CSMD1: variants seen among roughly 807,000 people sequenced by gnomAD.
CSMD1 encodes the protein CUB and Sushi multiple domains 1.
In CSMD1, 213 loss-of-function variants were observed where a neutral mutation model predicts 417.5. The ratio of observed to expected loss-of-function variants is 0.51; its 90% CI spans 0.46 to 0.57. The LOEUF is 0.57. Among genes scored for constraint, CSMD1 ranks in the 20% least tolerant of loss-of-function variants. The probability of loss-of-function intolerance (pLI) is 0.00; values close to 1 mark genes in which losing one functional copy is unlikely to be tolerated. For missense variants in CSMD1, 6,923 were observed against 4,529.7 expected (o/e 1.53, Z -15.17); for synonymous variants, 2,862 against 1,736.8 (o/e 1.65, Z -16.11).
chr8:3,439,141 AAAAAAAAAAAAC>A (rs1814774338), intron 12 of CSMD1, among the ~76,000 whole-genome samples: 11 of 130,498 alleles, frequency 8.4e-5, no homozygotes, highest in Non-Finnish European at 1.6e-4. Flanking sequence ...AAAAAAAAAA[AAAAAAAAAAAAC>A]CAAGAAAAAA....
chr8:4,598,765 G>T (rs1010833849), intron 2 of CSMD1, among the ~76,000 whole-genome samples: 2 of 152,136 alleles, frequency 1.3e-5, no homozygotes, highest in Non-Finnish European at 2.9e-5. Context: ...AAAGCTCTAA[G>T]TAGGTGGAAA....
chr8:4,513,634 G>A (rs904073170), intron 2 of CSMD1, among the ~76,000 whole-genome samples: 19 of 152,310 alleles, frequency 1.2e-4, no homozygotes, highest in African/African-American at 4.3e-4. Context: ...ATGAAACAAT[G>A]AAGTTAAAGG....
intron 5 of CSMD1, among the ~76,000 whole-genome samples, chr8:3,793,311 C>G (rs535331490): frequency 2.0e-5 from 3 of 152,176 alleles, no homozygotes; most frequent in Non-Finnish European, 4.4e-5. Flanking sequence ...ATTTCCATTC[C>G]CATCTGTTTA....
chr8:3,031,715 T>G (rs1376617939), intron 50 of CSMD1, among the ~76,000 whole-genome samples: 1 of 151,984 alleles, frequency 6.6e-6, no homozygotes, highest in African/African-American at 2.4e-5. Flanking sequence ...CCAATTTGGT[T>G]CACACAACGG....
intron 5 of CSMD1, among the ~76,000 whole-genome samples, chr8:3,776,807 GATATAT>G (rs151060171): frequency 1.4e-5 from 2 of 139,938 alleles, no homozygotes; most frequent in East Asian, 4.4e-4. Context: ...ATATAGACGA[GATATAT>G]ATATATATAT....
At chr8:4,521,377 A>C (rs1803435925) in intron 2 of CSMD1, among the ~76,000 whole-genome samples, 1 of 152,178 alleles carries the variant, frequency 6.6e-6, no homozygotes, top group Admixed American at 6.5e-5. Context: ...AAAATAGAAA[A>C]AGAAAAAACA....
chr8:3,423,385 A>G (rs182718935), intron 12 of CSMD1, among the ~76,000 whole-genome samples: 1 of 152,236 alleles, frequency 6.6e-6, no homozygotes, highest in Admixed American at 6.5e-5. Flanking sequence ...CTGTCACCAT[A>G]GCTTTCTCTC....
intron 10 of CSMD1, among the ~76,000 whole-genome samples, chr8:3,558,411 G>A (rs117649130): frequency 0.032 from 4,387 of 138,270 alleles, 4 homozygotes; most frequent in Non-Finnish European, 0.049. Flanking sequence ...AATGATGAAC[G>A]GTGCCTCAAT....
chr8:3,556,466 C>A (rs1799152473), intron 10 of CSMD1, among the ~76,000 whole-genome samples: 1 of 143,306 alleles, frequency 7.0e-6, no homozygotes, highest in Non-Finnish European at 1.5e-5. Context: ...ATAATTTGTT[C>A]AGTCCTTAAG....
At chr8:3,945,653 A>T (rs775811087) in intron 5 of CSMD1, among the ~76,000 whole-genome samples, 1 of 152,108 alleles carries the variant, frequency 6.6e-6, no homozygotes, top group Non-Finnish European at 1.5e-5. Flanking sequence ...AGCCTGATGT[A>T]TTATTTTACT....
chr8:3,234,534 G>C (rs145134894), intron 26 of CSMD1, among the ~76,000 whole-genome samples: 1 of 152,138 alleles, frequency 6.6e-6, no homozygotes, highest in South Asian at 2.1e-4. Flanking sequence ...TTTTTCAATG[G>C]AAAGAGAGCG....
chr8:3,763,155 C>A (rs1798101944), intron 5 of CSMD1, among the ~76,000 whole-genome samples: 1 of 152,194 alleles, frequency 6.6e-6, no homozygotes, highest in Admixed American at 6.5e-5. Context: ...CCAAAGAGGT[C>A]TCTTCACCCA....
intron 5 of CSMD1, among the ~76,000 whole-genome samples, chr8:3,909,843 T>C (rs565474147): frequency 2.0e-5 from 3 of 152,180 alleles, no homozygotes; most frequent in African/African-American, 7.2e-5. Flanking sequence ...GCACCACGTA[T>C]GTCCTGCTGT....
In CSMD1 at chr8:3,015,386, G is replaced by A. The variant is rs117262104; in HGVS notation, c.8029+3091C>T. Among the ~76,000 whole-genome samples the A allele has an allele frequency of 7.2e-4, 109 of 152,070 alleles. 1 individual carries two copies. In the East Asian group the frequency reaches 0.019, roughly 27 times the overall value. On this transcript the variant is annotated intron_variant, in intron 52 of 69. Coordinates refer to ENST00000635120, the MANE Select transcript of CSMD1 (RefSeq NM_033225.6). Reference sequence around the variant, plus strand: ...GGTAATTTCCCATTTTTTCCTGATTGGATGATTTGCTTTTTAAAGTCATAG... The same window carrying A: ...GGTAATTTCCCATTTTTTCCTGATTAGATGATTTGCTTTTTAAAGTCATAG...
At chr8:3,404,071 G>C (rs112381028) in intron 15 of CSMD1, among the ~76,000 whole-genome samples, 158 of 152,260 alleles carry the variant, frequency 1.0e-3, no homozygotes, top group African/African-American at 3.7e-3. Context: ...AGTATTACCA[G>C]ACGATACTAT....
At chr8:3,695,087 C>CGTGTGTGTGT (rs1276176981) in intron 7 of CSMD1, among the ~76,000 whole-genome samples, 3,002 of 145,508 alleles carry the variant, frequency 0.021, 62 homozygotes, top group African/African-American at 0.038. Context: ...GGAGGCCCTG[C>CGTGTGTGTGT]GTGTGTGTGT....
chr8:4,937,694 G>A (rs888153677), intron 1 of CSMD1, among the ~76,000 whole-genome samples: 1 of 152,110 alleles, frequency 6.6e-6, no homozygotes, highest in Non-Finnish European at 1.5e-5. Flanking sequence ...GGTTTCTTTA[G>A]GGGTATGAAC....
chr8:4,455,523 A>T (rs1362024538), intron 2 of CSMD1, among the ~76,000 whole-genome samples: 2 of 152,176 alleles, frequency 1.3e-5, no homozygotes, highest in African/African-American at 4.8e-5. Flanking sequence ...CAGCTGGACC[A>T]GAAACACATC....
At position 3,187,803 on chromosome 8, in the gene CSMD1, T is replaced by C. The variant is rs1796150572; in HGVS notation, c.5620+66A>G. ...TTCTATGTGGAGTGTTTGCTGTTAT[T>C]TATGTTGTTTTCTTGGTGTTTGCAG... is the stretch of plus-strand genomic sequence containing the variant. On this transcript the variant is annotated intron_variant, in intron 36 of 69. Transcript: ENST00000635120. 3 of 1,169,312 alleles carry C rather than the reference T, an allele frequency of 2.6e-6. No individual in the cohort carries two copies. In the African/African-American group the frequency reaches 4.6e-5, roughly 18 times the overall value. 72.4% of individuals were successfully genotyped at this position (1,169,312 alleles called of 1,614,324 possible).
Sources: allele counts gnomAD v4.1 joint callset (sites outside exome capture counted in the v4.1 genomes callset), GRCh38; gene constraint gnomAD v4.1.1; transcripts MANE v1.5; gene names NCBI Gene and HGNC (gene_info 2026-07-23, HGNC 2026-07-21).